Variants in FARS2 observed in about 807,000 individuals in gnomAD.
The protein encoded by FARS2 is phenylalanine--tRNA ligase, mitochondrial.
FARS2 carries 40 observed loss-of-function variants against 46.4 expected under a neutral mutation model. That is an observed-to-expected ratio of 0.86 (90% CI 0.67 to 1.12). The LOEUF (loss-of-function observed/expected upper bound fraction) is 1.12. Among genes scored for constraint, FARS2 ranks in the 50% most tolerant of loss-of-function variants. FARS2 has a pLI of 0.00. For synonymous variants in FARS2, 234 were observed against 214.9 expected (o/e 1.09, Z -0.78); for missense variants, 513 against 567.9 (o/e 0.90, Z 0.98).
chr6:5,353,266 T>A (rs1486188410), intron 1 of FARS2, among the ~76,000 whole-genome samples: 1 of 152,268 alleles, frequency 6.6e-6, no homozygotes, highest in African/African-American at 2.4e-5. Flanking sequence ...TATTTCATTG[T>A]GTATATATTC....
Position 5,270,722 on chromosome 6 carries a change from AAC to A in FARS2, c.-22+9066_-22+9067del, listed in dbSNP as rs1004384082. ...CTTTTAGGATGAAGTCTAATTCCTT[AAC>A]ACAGCCTATGAGACCCTGACGACTA... On this transcript the variant is annotated intron_variant, in intron 1 of 6. Coordinates refer to ENST00000274680, the MANE Select transcript of FARS2 (RefSeq NM_006567.5). Among the ~76,000 whole-genome samples, 37 of 152,172 alleles carry A rather than the reference AAC, an allele frequency of 2.4e-4. 1 individual carries two copies. Among genetic ancestry groups the A allele is most frequent in the Admixed American group, 7.2e-4 (11 of 15,286 alleles).
chr6:5,378,996 G>A (rs749105899), intron 2 of FARS2, among the ~76,000 whole-genome samples: 38 of 152,310 alleles, frequency 2.5e-4, no homozygotes, highest in Non-Finnish European at 4.7e-4. Flanking sequence ...CTTTGGCTAC[G>A]ACAAGATGGA....
intron 4 of FARS2, among the ~76,000 whole-genome samples, chr6:5,504,446 A>T (rs1767988724): frequency 6.6e-6 from 1 of 150,848 alleles, no homozygotes; most frequent in African/African-American, 2.5e-5. Flanking sequence ...GTAAAAAAAA[A>T]AAAAAAAAAA....
At chr6:5,307,652 A>G (rs1368012369) in intron 1 of FARS2, among the ~76,000 whole-genome samples, 1 of 152,248 alleles carries the variant, frequency 6.6e-6, no homozygotes, top group African/African-American at 2.4e-5. Context: ...GGCAGAAAAT[A>G]GCATCAAGTT....
intron 6 of FARS2, among the ~76,000 whole-genome samples, chr6:5,718,503 A>G (rs1267856756): frequency 2.0e-5 from 3 of 152,222 alleles, no homozygotes; most frequent in Non-Finnish European, 4.4e-5. Flanking sequence ...TTTTCAGACG[A>G]TGCCACTGTT....
chr6:5,351,246 C>G (rs1485661342), intron 1 of FARS2, among the ~76,000 whole-genome samples: 1 of 152,146 alleles, frequency 6.6e-6, no homozygotes, highest in Non-Finnish European at 1.5e-5. Flanking sequence ...ATATATAAGC[C>G]ATTTTATGCA....
Position 5,663,881 on chromosome 6 carries a change from C to T in FARS2, c.1217+50561C>T, listed in dbSNP as rs578096432. On this transcript the variant is annotated intron_variant, in intron 6 of 6. Coordinates refer to ENST00000274680, the MANE Select transcript of FARS2 (RefSeq NM_006567.5). Reference sequence around the variant, plus strand: ...GGAAGATGTACTCAGCACTACTGTGCGCACCTGGGCTGCACTGGTGTCTTT... The same window carrying T: ...GGAAGATGTACTCAGCACTACTGTGTGCACCTGGGCTGCACTGGTGTCTTT... 3.2e-4 allele frequency among the ~76,000 whole-genome samples: 49 copies of T among 152,316 alleles called. No individual in the cohort carries two copies. In the South Asian group the frequency reaches 8.3e-3, roughly 26 times the overall value.
intron 1 of FARS2, among the ~76,000 whole-genome samples, chr6:5,353,751 T>G (rs147847298): frequency 0.054 from 6,263 of 115,096 alleles, 259 homozygotes; most frequent in Middle Eastern, 0.13. Flanking sequence ...TTTTTTTTGC[T>G]ATTGAGTTGT....
chr6:5,292,843 A>G (rs529031658), intron 1 of FARS2, among the ~76,000 whole-genome samples: 53 of 152,292 alleles, frequency 3.5e-4, no homozygotes, highest in Admixed American at 1.1e-3. Context: ...AGGGCCAAAG[A>G]TGGAACTCTG....
chr6:5,548,048 C>T (rs889934859), intron 5 of FARS2, among the ~76,000 whole-genome samples: 1 of 152,148 alleles, frequency 6.6e-6, no homozygotes, highest in Non-Finnish European at 1.5e-5. Flanking sequence ...GCGAAAGGCA[C>T]TTCTTACATG....
intron 2 of FARS2, among the ~76,000 whole-genome samples, chr6:5,383,810 T>C (rs1759946637): frequency 6.6e-6 from 1 of 152,050 alleles, no homozygotes; most frequent in South Asian, 2.1e-4. Flanking sequence ...TTTCCCGTGG[T>C]TGACTGATTA....
intron 4 of FARS2, among the ~76,000 whole-genome samples, chr6:5,476,137 G>C (rs978967399): frequency 2.6e-5 from 4 of 152,140 alleles, no homozygotes; most frequent in Non-Finnish European, 4.4e-5. Flanking sequence ...CAGGAGGTGA[G>C]GTCTGGGTCT....
intron 4 of FARS2, among the ~76,000 whole-genome samples, chr6:5,529,718 G>C (rs1264883352): frequency 1.3e-5 from 2 of 152,222 alleles, no homozygotes. Flanking sequence ...TTTAATGGCT[G>C]AGTAGACAGT....
chr6:5,720,150 A>G (rs1483406687), intron 6 of FARS2, among the ~76,000 whole-genome samples: 1 of 152,252 alleles, frequency 6.6e-6, no homozygotes, highest in Non-Finnish European at 1.5e-5. Flanking sequence ...GTTAAAAGCA[A>G]TTCCATTAAA....
At chr6:5,703,815 A>G (rs1758581229) in intron 6 of FARS2, among the ~76,000 whole-genome samples, 1 of 152,162 alleles carries the variant, frequency 6.6e-6, no homozygotes, top group African/African-American at 2.4e-5. Context: ...GAGCTCTCCC[A>G]CAGAGGCCCT....
intron 2 of FARS2, among the ~76,000 whole-genome samples, chr6:5,400,298 T>G (rs1761177382): frequency 6.6e-6 from 1 of 152,086 alleles, no homozygotes; most frequent in African/African-American, 2.4e-5. Flanking sequence ...CTATGGAGTT[T>G]TTGGCCCTTT....
intron 6 of FARS2, among the ~76,000 whole-genome samples, chr6:5,708,664 A>G (rs925170778): frequency 4.7e-5 from 7 of 149,358 alleles, no homozygotes; most frequent in East Asian, 2.0e-4. Context: ...CCCTTCCCTC[A>G]CTTTATGGTT....
intron 6 of FARS2, among the ~76,000 whole-genome samples, chr6:5,749,353 T>A (rs1178807014): frequency 2.0e-5 from 3 of 152,184 alleles, no homozygotes; most frequent in Non-Finnish European, 4.4e-5. Context: ...TTTTAAAGGA[T>A]CTCACCAGCT....
intron 4 of FARS2, among the ~76,000 whole-genome samples, chr6:5,461,426 T>G (rs1330667369): frequency 1.3e-5 from 2 of 152,190 alleles, no homozygotes; most frequent in Non-Finnish European, 1.5e-5. Context: ...TGAGGAAAAC[T>G]TTAGGTAATT....
Sources: allele counts gnomAD v4.1 joint callset (sites outside exome capture counted in the v4.1 genomes callset), GRCh38; gene constraint gnomAD v4.1.1; transcripts MANE v1.5; gene names NCBI Gene and HGNC (gene_info 2026-07-23, HGNC 2026-07-21).